TMEM135: variants seen among roughly 807,000 people sequenced by gnomAD.
The protein encoded by TMEM135 is peroxisomal membrane protein 52.
Under a neutral mutation model 60.3 loss-of-function variants are expected in TMEM135, and 30 were observed. The ratio of observed to expected loss-of-function variants is 0.50; its 90% CI spans 0.37 to 0.68. The LOEUF is 0.68. TMEM135 is among the 30% of genes least tolerant of loss of function. The pLI, the probability that TMEM135 is intolerant of heterozygous loss-of-function variation, is 0.00. For missense variants in TMEM135, 468 were observed against 548.8 expected (o/e 0.85, Z 1.47); for synonymous variants, 190 against 186.7 (o/e 1.02, Z -0.14).
At chr11:87,084,891 T>C (rs17149719) in intron 3 of TMEM135, among the ~76,000 whole-genome samples, 14,457 of 152,160 alleles carry the variant, frequency 0.095, 722 homozygotes, top group African/African-American at 0.1. Context: ...AGCTTCTCCT[T>C]TTCAGGCCTA....
At chr11:87,276,167 T>C (rs1941962696) in intron 6 of TMEM135, among the ~76,000 whole-genome samples, 1 of 152,202 alleles carries the variant, frequency 6.6e-6, no homozygotes, top group African/African-American at 2.4e-5. Context: ...AAATCCTATG[T>C]TGAGTGAGTA....
chr11:87,157,588 C>G, intron 5 of TMEM135, 182 bp downstream of exon 5: 1 of 525,674 alleles, frequency 1.9e-6, no homozygotes. Context: ...GGAACCAGAT[C>G]TTAGATTGAA....
At chr11:87,319,405 A>C (rs1286349085) in intron 14 of TMEM135, 28 bp downstream of exon 14, 23 of 1,503,916 alleles carry the variant, frequency 1.5e-5, no homozygotes, top group Non-Finnish European at 2.0e-5. Flanking sequence ...TTTCTTAAAA[A>C]TATTATGAGT....
intron 6 of TMEM135, among the ~76,000 whole-genome samples, chr11:87,270,321 T>C (rs1196395690): frequency 6.6e-6 from 1 of 152,054 alleles, no homozygotes; most frequent in African/African-American, 2.4e-5. Flanking sequence ...TGGTAGTTTC[T>C]TTTGGTGTGC....
chr11:87,124,158 A>G (rs1015078798), intron 4 of TMEM135, among the ~76,000 whole-genome samples: 2 of 152,206 alleles, frequency 1.3e-5, no homozygotes, highest in Non-Finnish European at 2.9e-5. Context: ...CTTTGGCTTT[A>G]TAAACAGAAA....
intron 3 of TMEM135, 125 bp downstream of exon 3, chr11:87,071,740 G>A: frequency 1.9e-6 from 1 of 539,490 alleles, no homozygotes; most frequent in Non-Finnish European, 3.2e-6. Context: ...TTTCGGTTCT[G>A]CAGATATTTA....
Position 87,255,584 on chromosome 11 carries a change from G to A in TMEM135, c.509+18900G>A, listed in dbSNP as rs191355210. 1.2e-4 allele frequency among the ~76,000 whole-genome samples: 18 copies of A among 152,114 alleles called. No individual in the cohort carries two copies. The East Asian group carries it at 3.3e-3, about 28-fold the overall frequency. On this transcript the variant is annotated intron_variant, in intron 6 of 14. Transcript: ENST00000305494. The stretch of plus-strand genomic sequence containing the variant: ...GCCCAGGAATTCAGGGCTGTAGTGC[G>A]CTACGATTGTGCCTGTGAGTAGACA...
At chr11:87,165,666 G>A (rs897598932) in intron 5 of TMEM135, among the ~76,000 whole-genome samples, 3 of 151,218 alleles carry the variant, frequency 2.0e-5, no homozygotes, top group African/African-American at 7.3e-5. Flanking sequence ...AATCCATCTG[G>A]TCCTGGACTC....
chr11:87,197,970 A>G (rs1418163773), intron 5 of TMEM135, among the ~76,000 whole-genome samples: 3 of 152,060 alleles, frequency 2.0e-5, no homozygotes, highest in Non-Finnish European at 4.4e-5. Context: ...GGTACATAAT[A>G]GTTGTAAATC....
At chr11:87,229,789 A>G (rs1374136551) in intron 5 of TMEM135, among the ~76,000 whole-genome samples, 1 of 152,174 alleles carries the variant, frequency 6.6e-6, no homozygotes, top group Non-Finnish European at 1.5e-5. Context: ...GTATCTATGT[A>G]CAAAGGTATG....
rs1565466378 is a variant in TMEM135, at chr11:87,159,594, C to CGCACAT, written c.462+2188_462+2189insGCACAT. ...AGATACTACTGAATACACACACGCG[C>CGCACAT]ACACACACACACACACACACACACC... On this transcript the variant is annotated intron_variant, in intron 5 of 14. Coordinates refer to ENST00000305494, the MANE Select transcript of TMEM135 (RefSeq NM_022918.4). Among the ~76,000 whole-genome samples the CGCACAT allele has an allele frequency of 7.1e-5, 5 of 70,398 alleles. No individual in the cohort carries two copies. The South Asian group carries it at 2.2e-3, about 30-fold the overall frequency. The allele number at this position is 70,398 out of a possible 152,430, so 46.2% of individuals were successfully genotyped here.
chr11:87,104,240 A>G (rs768327358), intron 4 of TMEM135, among the ~76,000 whole-genome samples: 1 of 152,200 alleles, frequency 6.6e-6, no homozygotes, highest in Non-Finnish European at 1.5e-5. Context: ...TCAATTGACC[A>G]TAACTGTGGG....
intron 6 of TMEM135, among the ~76,000 whole-genome samples, chr11:87,287,591 C>T (rs1269405656): frequency 6.6e-6 from 1 of 152,180 alleles, no homozygotes; most frequent in Non-Finnish European, 1.5e-5. Context: ...GCAGGAGAAT[C>T]GCTTGAACCC....
intron 5 of TMEM135, among the ~76,000 whole-genome samples, chr11:87,227,154 G>A (rs1248143292): frequency 6.6e-6 from 1 of 152,080 alleles, no homozygotes; most frequent in Admixed American, 6.6e-5. Flanking sequence ...ACTCAATTCA[G>A]TGAAAGTAAT....
chr11:87,124,332 A>G (rs2512344), intron 4 of TMEM135, among the ~76,000 whole-genome samples: 72,452 of 151,930 alleles, frequency 0.48, 17,565 homozygotes, highest in East Asian at 0.67. Flanking sequence ...CTGCCATTAA[A>G]GTGACTCAGC....
At chr11:87,149,987 C>T (rs1056321731) in intron 4 of TMEM135, among the ~76,000 whole-genome samples, 5 of 152,012 alleles carry the variant, frequency 3.3e-5, no homozygotes, top group African/African-American at 4.8e-5. Context: ...GAGGCCAAAG[C>T]GGGTGGATCA....
At chr11:87,063,168 T>G in intron 1 of TMEM135, among the ~76,000 whole-genome samples, 1 of 152,246 alleles carries the variant, frequency 6.6e-6, no homozygotes, top group East Asian at 1.9e-4. Context: ...TTGTTCTGTA[T>G]GTTCATTACA....
intron 3 of TMEM135, among the ~76,000 whole-genome samples, chr11:87,086,438 A>G (rs1220757590): frequency 3.3e-5 from 5 of 152,258 alleles, no homozygotes; most frequent in African/African-American, 1.2e-4. Context: ...GTGTCCAAGA[A>G]GAATTAGGAT....
rs1223769576 is a variant in TMEM135, at chr11:87,038,026, T to C, written c.-20T>C. On this transcript the variant is annotated 5_prime_UTR_variant, in exon 1 of 15. Coordinates refer to ENST00000305494, the MANE Select transcript of TMEM135 (RefSeq NM_022918.4). The stretch of plus-strand genomic sequence containing the variant: ...GGCTCAGGCTCTCCCCCTCCTGTCT[T>C]CTCCGCGCTGTTCCTCGTCATGGCG... The C allele has an allele frequency of 6.2e-7, 1 of 1,613,468 alleles. No individual in the cohort carries two copies. The highest frequency in any genetic ancestry group is 1.3e-5 in the African/African-American group (1 of 74,906).
Sources: allele counts gnomAD v4.1 joint callset (sites outside exome capture counted in the v4.1 genomes callset), GRCh38; gene constraint gnomAD v4.1.1; transcripts MANE v1.5; gene names NCBI Gene and HGNC (gene_info 2026-07-23, HGNC 2026-07-21).